The following SLC15A1 variants were observed in gnomAD, a reference collection of about 807,000 sequenced individuals.
The protein encoded by SLC15A1 is Caco-2 oligopeptide transporter.
SLC15A1 carries 83 observed loss-of-function variants against 92.9 expected under a neutral mutation model. The observed-to-expected ratio is 0.89, with a 90% confidence interval of 0.75 to 1.07. The LOEUF (loss-of-function observed/expected upper bound fraction) is 1.07, where lower values mean the gene tolerates loss of function less well. Among genes scored for constraint, SLC15A1 ranks in the 50% least tolerant of loss-of-function variants. The probability of loss-of-function intolerance (pLI) is 0.00; values close to 1 mark genes in which losing one functional copy is unlikely to be tolerated. For missense variants in SLC15A1, 857 were observed against 880.1 expected (o/e 0.97, Z 0.33); for synonymous variants, 322 against 318.2 (o/e 1.01, Z -0.13).
Position 98,730,824 on chromosome 13 carries a change from C to T in SLC15A1, c.5-3965G>A, listed in dbSNP as rs552550832. 1.9e-3 allele frequency among the ~76,000 whole-genome samples: 288 copies of T among 152,356 alleles called. 1 individual carries two copies. The highest frequency in any genetic ancestry group is 0.016 in the South Asian group (76 of 4,824). On this transcript the variant is annotated intron_variant, in intron 1 of 22. Coordinates refer to ENST00000376503, the MANE Select transcript of SLC15A1 (RefSeq NM_005073.4). ...CTCTGCATGGTGGGTCCCGTGGGCC[C>T]TTCCAGGACCGTCCTTCTTCTTCAG...
At chr13:98,730,668 G>A (rs373451744) in intron 1 of SLC15A1, among the ~76,000 whole-genome samples, 6 of 152,266 alleles carry the variant, frequency 3.9e-5, no homozygotes, top group Admixed American at 2.0e-4. Context: ...GCATCGTTAC[G>A]GGGGAGACGC....
At chr13:98,705,448 A>G (rs766023331) in intron 16 of SLC15A1, among the ~76,000 whole-genome samples, 5 of 152,180 alleles carry the variant, frequency 3.3e-5, no homozygotes, top group African/African-American at 7.2e-5. Flanking sequence ...CCCAGTTGCT[A>G]CAACAAAAAA....
chr13:98,730,722 A>T (rs2088344062), intron 1 of SLC15A1, among the ~76,000 whole-genome samples: 1 of 152,228 alleles, frequency 6.6e-6, no homozygotes, highest in African/African-American at 2.4e-5. Context: ...CTTCCCACAG[A>T]GGGGAAATTC....
In SLC15A1 at chr13:98,684,915, A is replaced by G; in HGVS notation, c.1936T>C (p.Trp646Arg). ...VAGAGQFSKQ[W>R]AEYILFAALL... ...GCGGCAAATAGAATGTACTCGGCCC[A>G]CTTTGAAGAAATCAGAGTTGGAGCA... is the stretch of plus-strand genomic sequence containing the variant. Residue 646 changes from tryptophan (W) to arginine (R), a missense_variant and splice_region_variant, in exon 23 of 23, where the codon TGG becomes CGG. Physicochemically the swap from Trp to Arg is moderately radical, Grantham distance 101. Transcript: ENST00000376503. The G allele has an allele frequency of 1.2e-6, 2 of 1,609,484 alleles. No homozygotes were observed. Among genetic ancestry groups the G allele is most frequent in the Non-Finnish European group, 1.7e-6 (2 of 1,177,366 alleles).
At position 98,719,255 on chromosome 13, in the gene SLC15A1, G is replaced by A. The variant is rs376227654; in HGVS notation, c.622C>T (p.Leu208Phe). 6.2e-7 allele frequency: 1 copy of A among 1,613,544 alleles called. No homozygotes were observed. ...CACTTACTCAGGGCTACAGCCATGAGAGCAGCAGGAACCCCAAAGGCCAGT... is the reference window on the plus strand; with the variant it reads ...CACTTACTCAGGGCTACAGCCATGAAAGCAGCAGGAACCCCAAAGGCCAGT... ...YPLAFGVPAA[L>F]MAVALIVFVL... The change falls in exon 8 of 23, where the codon CTC (leucine) becomes TTC (phenylalanine). Residue 208 changes from leucine (L) to phenylalanine (F), a missense_variant. Leu to Phe is a conservative substitution (Grantham distance 22). Transcript: ENST00000376503.
chr13:98,684,903 T>G lies in SLC15A1; in HGVS notation c.1948A>C (p.Ile650Leu). 2.5e-6 allele frequency: 4 copies of G among 1,612,386 alleles called. No homozygotes were observed. The highest frequency in any genetic ancestry group is 3.4e-6 in the Non-Finnish European group (4 of 1,179,070). ...GQFSKQWAEY[I>L]LFAALLLVVC... ...ACCAGAAGCAACGCGGCAAATAGAA[T>G]GTACTCGGCCCACTTTGAAGAAATC... is the stretch of plus-strand genomic sequence containing the variant. Residue 650 changes from isoleucine to leucine, a missense_variant, in exon 23 of 23, where the codon ATT (isoleucine) becomes CTT (leucine). Physicochemically the swap from Ile to Leu is conservative, Grantham distance 5. Transcript: ENST00000376503.
chr13:98,721,728 G>A (rs766975704), intron 6 of SLC15A1, 76 bp downstream of exon 6: 9 of 1,426,370 alleles, frequency 6.3e-6, no homozygotes, highest in Non-Finnish European at 7.8e-6. Flanking sequence ...ATGTAGAACA[G>A]ACTTTGTGCC....
At chr13:98,731,244 G>A (rs2088348319) in intron 1 of SLC15A1, among the ~76,000 whole-genome samples, 1 of 152,194 alleles carries the variant, frequency 6.6e-6, no homozygotes, top group Non-Finnish European at 1.5e-5. Context: ...GGTCCGTGGT[G>A]AGGCAGCGCA....
intron 1 of SLC15A1, among the ~76,000 whole-genome samples, chr13:98,739,452 C>G (rs1441263507): frequency 6.6e-6 from 1 of 152,164 alleles, no homozygotes; most frequent in African/African-American, 2.4e-5. Context: ...GGGGAGGACA[C>G]TGGATCATGG....
chr13:98,693,378 G>A (rs553783439), intron 18 of SLC15A1, among the ~76,000 whole-genome samples: 4 of 152,252 alleles, frequency 2.6e-5, no homozygotes, highest in East Asian at 1.9e-4. Context: ...GATTACAGGC[G>A]TGAGCCACTG....
intron 1 of SLC15A1, among the ~76,000 whole-genome samples, chr13:98,747,709 C>T (rs751758961): frequency 3.3e-5 from 5 of 152,180 alleles, no homozygotes; most frequent in African/African-American, 4.8e-5. Context: ...GGTGAAACCC[C>T]GTCTCTACTA....
chr13:98,712,729 TTATTTC>T (rs1213605328), intron 9 of SLC15A1, 145 bp from the exon 10 acceptor site: 1 of 582,372 alleles, frequency 1.7e-6, no homozygotes, highest in African/African-American at 1.9e-5. Flanking sequence ...ATATGAGTAC[TTATTTC>T]TATTAATAGT....
chr13:98,733,694 G>A (rs2088367641), intron 1 of SLC15A1, among the ~76,000 whole-genome samples: 1 of 152,236 alleles, frequency 6.6e-6, no homozygotes, highest in Non-Finnish European at 1.5e-5. Flanking sequence ...GGAAAGACAT[G>A]GGCTTTTGGG....
intron 9 of SLC15A1, 80 bp from the exon 10 acceptor site, chr13:98,712,664 T>C (rs1012194888): frequency 5.9e-6 from 6 of 1,015,652 alleles, no homozygotes; most frequent in Middle Eastern, 2.2e-4. Flanking sequence ...TAAACTACCT[T>C]TAGGAGAAAA....
chr13:98,724,056 T>C (rs1338003899), intron 4 of SLC15A1, 25 bp from the exon 5 acceptor site: 1 of 1,612,524 alleles, frequency 6.2e-7, no homozygotes, highest in Admixed American at 1.7e-5. Context: ...ATTAAGAGAA[T>C]CCGAGTTAAT....
chr13:98,740,917 G>A (rs2088438755), intron 1 of SLC15A1, among the ~76,000 whole-genome samples: 1 of 152,210 alleles, frequency 6.6e-6, no homozygotes, highest in South Asian at 2.1e-4. Flanking sequence ...ATCAGAGTCA[G>A]GTTAGCTTTA....
At chr13:98,691,448 A>C (rs559513384) in intron 18 of SLC15A1, among the ~76,000 whole-genome samples, 140 of 152,344 alleles carry the variant, frequency 9.2e-4, no homozygotes, top group African/African-American at 3.2e-3. Context: ...ATAATGCTGC[A>C]ATGAACATGC....
intron 18 of SLC15A1, among the ~76,000 whole-genome samples, chr13:98,696,799 A>T (rs2088025273): frequency 6.6e-6 from 1 of 152,114 alleles, no homozygotes; most frequent in Non-Finnish European, 1.5e-5. Flanking sequence ...TACCTCAGAG[A>T]GGGACTGTAT....
chr13:98,706,980 T>A (rs1199256224), intron 15 of SLC15A1, among the ~76,000 whole-genome samples: 1 of 152,212 alleles, frequency 6.6e-6, no homozygotes, highest in African/African-American at 2.4e-5. Flanking sequence ...AGTGTTCTAC[T>A]GTAAGTCTGG....
Sources: allele counts gnomAD v4.1 joint callset (sites outside exome capture counted in the v4.1 genomes callset), GRCh38; gene constraint gnomAD v4.1.1; transcripts MANE v1.5; gene names NCBI Gene and HGNC (gene_info 2026-07-23, HGNC 2026-07-21).